POT1: variants seen among roughly 807,000 people sequenced by gnomAD.
POT1 encodes protection of telomeres 1.
Under a neutral mutation model 78.5 loss-of-function variants are expected in POT1, and 47 were observed. The observed-to-expected ratio is 0.60, with a 90% CI of 0.47 to 0.76. The LOEUF (loss-of-function observed/expected upper bound fraction) is 0.76, where lower values mean the gene tolerates loss of function less well. Among genes scored for constraint, POT1 ranks in the 30% least tolerant of loss-of-function variants. The pLI is 0.00. For missense variants in POT1, 646 were observed against 749.9 expected (o/e 0.86, Z 1.62); for synonymous variants, 259 against 260.7 (o/e 0.99, Z 0.06).
chr7:124,877,361 G>T (rs1394546160), intron 6 of POT1, among the ~76,000 whole-genome samples: 1 of 152,076 alleles, frequency 6.6e-6, no homozygotes, highest in East Asian at 1.9e-4. Context: ...TACCTCCACA[G>T]TATCTTTCTT....
chr7:124,906,320 T>A (rs899944746), intron 3 of POT1, among the ~76,000 whole-genome samples: 6 of 151,940 alleles, frequency 3.9e-5, no homozygotes, highest in Non-Finnish European at 8.8e-5. Context: ...TAAAAAATGA[T>A]AAGTTCATGT....
intron 6 of POT1, among the ~76,000 whole-genome samples, chr7:124,881,819 T>A (rs1394100101): frequency 6.6e-6 from 1 of 151,918 alleles, no homozygotes; most frequent in African/African-American, 2.4e-5. Flanking sequence ...GTGGAAAGAG[T>A]AGAAAATCCT....
intron 7 of POT1, among the ~76,000 whole-genome samples, chr7:124,866,357 G>A (rs184555536): frequency 6.6e-6 from 1 of 152,234 alleles, no homozygotes; most frequent in Non-Finnish European, 1.5e-5. Flanking sequence ...CTGTTAAGGA[G>A]GTATTAATAA....
intron 2 of POT1, among the ~76,000 whole-genome samples, chr7:124,916,349 A>C (rs1030431341): frequency 2.0e-5 from 3 of 152,196 alleles, no homozygotes; most frequent in Non-Finnish European, 4.4e-5. Flanking sequence ...GTTATCAACA[A>C]AGCATGATTC....
intron 6 of POT1, among the ~76,000 whole-genome samples, chr7:124,875,089 G>A (rs768314742): frequency 4.6e-5 from 7 of 152,058 alleles, no homozygotes; most frequent in Non-Finnish European, 7.4e-5. Flanking sequence ...CTATTAGTAA[G>A]GACTGATACT....
At chr7:124,834,726 C>T (rs1794849081) in intron 15 of POT1, among the ~76,000 whole-genome samples, 1 of 152,138 alleles carries the variant, frequency 6.6e-6, no homozygotes, top group Non-Finnish European at 1.5e-5. Flanking sequence ...CCATTTGATC[C>T]AGCAATCCCA....
chr7:124,909,598 CATT>C (rs1405917390), intron 3 of POT1, among the ~76,000 whole-genome samples: 1 of 151,772 alleles, frequency 6.6e-6, no homozygotes, highest in African/African-American at 2.4e-5. Flanking sequence ...GTCTTCACAT[CATT>C]ATATTTTAAA....
intron 6 of POT1, among the ~76,000 whole-genome samples, chr7:124,872,509 C>A (rs191404245): frequency 6.6e-6 from 1 of 152,188 alleles, no homozygotes. Flanking sequence ...GCTGTTTCAG[C>A]TATCATATCA....
At chr7:124,917,028 A>G (rs762677337) in intron 2 of POT1, among the ~76,000 whole-genome samples, 1 of 152,132 alleles carries the variant, frequency 6.6e-6, no homozygotes, top group Non-Finnish European at 1.5e-5. Context: ...GCTGGAAGGC[A>G]AGAACAGAAA....
chr7:124,882,795 T>C (rs536081530), intron 6 of POT1, among the ~76,000 whole-genome samples: 2 of 152,044 alleles, frequency 1.3e-5, no homozygotes, highest in Admixed American at 6.6e-5. Flanking sequence ...TGCTAATAAT[T>C]TGGGAAAAAG....
At chr7:124,858,727 T>C (rs929326916) in intron 9 of POT1, 1 of 294,230 alleles carries the variant, frequency 3.4e-6, no homozygotes, top group Non-Finnish European at 6.1e-6. Context: ...AAATTATGTA[T>C]ACCTTTAAGA....
chr7:124,843,030 C>T, intron 12 of POT1, 67 bp from the exon 13 acceptor site: 1 of 1,066,464 alleles, frequency 9.4e-7, no homozygotes, highest in African/African-American at 1.6e-5. Context: ...TCCTCCTGAA[C>T]CAAATATATA....
At chr7:124,892,426 A>T in intron 5 of POT1, 46 bp from the exon 6 acceptor site, 3 of 921,998 alleles carry the variant, frequency 3.3e-6, no homozygotes, top group Non-Finnish European at 4.7e-6. Context: ...AAGTATTTAC[A>T]TTGTAGAATC....
chr7:124,896,623 G>A (rs1282395626), intron 5 of POT1, among the ~76,000 whole-genome samples: 3 of 151,672 alleles, frequency 2.0e-5, no homozygotes, highest in South Asian at 2.1e-4. Flanking sequence ...AGTTTCACTC[G>A]GCTACAAGTA....
chr7:124,876,413 C>T (rs183618670), intron 6 of POT1, among the ~76,000 whole-genome samples: 1 of 152,126 alleles, frequency 6.6e-6, no homozygotes, highest in Non-Finnish European at 1.5e-5. Context: ...AAACTGATAT[C>T]TCCTAGAACT....
chr7:124,863,293 C>A, intron 8 of POT1, 57 bp downstream of exon 8: 4 of 1,497,068 alleles, frequency 2.7e-6, no homozygotes, highest in Non-Finnish European at 3.6e-6. Flanking sequence ...AACATAAGCT[C>A]TTTACAGACA....
rs771933753 is a variant in POT1, at chr7:124,869,225, A to G, written c.255+1686T>C. Among the ~76,000 whole-genome samples the G allele has an allele frequency of 1.0e-3, 153 of 152,186 alleles. 1 individual carries two copies. The highest frequency in any genetic ancestry group is 1.2e-3 in the Non-Finnish European group (79 of 68,032). ...AATACTTATTGAAAAAAGTCTGCAT[A>G]TAAGTGTACCCATGTAGTTCAAACC... On this transcript the variant is annotated intron_variant, in intron 7 of 18. Transcript: ENST00000357628.
chr7:124,882,938 T>A (rs1222985025), intron 6 of POT1, among the ~76,000 whole-genome samples: 1 of 151,978 alleles, frequency 6.6e-6, no homozygotes. Flanking sequence ...GAGGAAAGTG[T>A]CTTTTCTCCA....
chr7:124,868,233 C>G (rs1177237533), intron 7 of POT1, among the ~76,000 whole-genome samples: 2 of 152,108 alleles, frequency 1.3e-5, no homozygotes, highest in Non-Finnish European at 2.9e-5. Flanking sequence ...CGATTCAAAG[C>G]TAGTGGAACT....
Sources: allele counts gnomAD v4.1 joint callset (sites outside exome capture counted in the v4.1 genomes callset), GRCh38; gene constraint gnomAD v4.1.1; transcripts MANE v1.5; gene names NCBI Gene and HGNC (gene_info 2026-07-23, HGNC 2026-07-21).